The following WDR70 variants were observed in gnomAD, a reference collection of about 807,000 sequenced individuals.
The protein encoded by WDR70 is WD repeat-containing protein 70.
In WDR70, 53 loss-of-function variants were observed where a neutral mutation model predicts 88.6. That is an observed-to-expected ratio of 0.60 (90% CI 0.48 to 0.75). The LOEUF (loss-of-function observed/expected upper bound fraction) is 0.75, where lower values mean the gene tolerates loss of function less well. WDR70 is among the 30% of genes least tolerant of loss of function. WDR70 has a pLI of 0.00. For missense variants in WDR70, 610 were observed against 823.2 expected (o/e 0.74, Z 3.17); for synonymous variants, 280 against 270.0 (o/e 1.04, Z -0.36).
chr5:37,516,575 C>T lies in WDR70; in HGVS notation c.902C>T (p.Thr301Ile). The change falls in exon 9 of 18, where the codon ACT becomes ATT. Residue 301 changes from threonine (T) to isoleucine (I), a missense_variant. By Grantham distance (89) the Thr-to-Ile change is moderately conservative. Coordinates refer to ENST00000265107, the MANE Select transcript of WDR70 (RefSeq NM_018034.4). ...WHPKIKGEFM[T>I]CSNDATVRTW... ...CCCAAAATAAAGGGAGAATTTATGA[C>T]TTGCTCAAATGATGCGTGAGTATTG... 1.2e-6 allele frequency: 2 copies of T among 1,606,522 alleles called. No individual in the cohort carries two copies. The highest frequency in any genetic ancestry group is 1.7e-6 in the Non-Finnish European group (2 of 1,174,532).
chr5:37,420,278 C>T (rs1323391803), intron 5 of WDR70, among the ~76,000 whole-genome samples: 2 of 152,126 alleles, frequency 1.3e-5, no homozygotes, highest in East Asian at 3.8e-4. Flanking sequence ...TATGACTCCT[C>T]TAAATATTAA....
At chr5:37,718,936 G>A (rs921879015) in intron 13 of WDR70, among the ~76,000 whole-genome samples, 2 of 152,136 alleles carry the variant, frequency 1.3e-5, no homozygotes, top group African/African-American at 4.8e-5. Context: ...TATATTAAAA[G>A]ATGATACATG....
chr5:37,722,755 A>C, intron 14 of WDR70, 100 bp from the exon 15 acceptor site: 1 of 1,044,162 alleles, frequency 9.6e-7, no homozygotes, highest in African/African-American at 1.6e-5. Flanking sequence ...GATGGAGTGC[A>C]TGCACAGAGT....
intron 7 of WDR70, among the ~76,000 whole-genome samples, chr5:37,459,352 G>A (rs1441497260): frequency 6.6e-6 from 1 of 150,804 alleles, no homozygotes; most frequent in African/African-American, 2.4e-5. Context: ...TCCGCTTGGT[G>A]CAGAGCTGAG....
intron 10 of WDR70, among the ~76,000 whole-genome samples, chr5:37,632,441 G>A (rs1339353223): frequency 6.6e-6 from 1 of 152,166 alleles, no homozygotes; most frequent in East Asian, 1.9e-4. Context: ...TTCCATGTGT[G>A]TTATTACCTC....
chr5:37,465,467 A>C (rs1466497166), intron 7 of WDR70, among the ~76,000 whole-genome samples: 5 of 152,204 alleles, frequency 3.3e-5, no homozygotes, highest in Non-Finnish European at 1.5e-5. Context: ...TTTTAGAAGA[A>C]ATGGGTCAGT....
At position 37,389,164 on chromosome 5, in the gene WDR70, C is replaced by T. The variant is rs1451322266; in HGVS notation, c.176-2836C>T. On this transcript the variant is annotated intron_variant, in intron 3 of 17. Coordinates refer to ENST00000265107, the MANE Select transcript of WDR70 (RefSeq NM_018034.4). ...CTGGAGTGTGGTGGTACTATCTTGG[C>T]TTACTGCAACCTCCGCCTTCCGGGT... is the stretch of plus-strand genomic sequence containing the variant. Among the ~76,000 whole-genome samples, 4 of 148,968 alleles carry T rather than the reference C, an allele frequency of 2.7e-5. No individual in the cohort carries two copies. The East Asian group carries it at 7.9e-4, about 29-fold the overall frequency.
At chr5:37,687,962 C>A (rs754279449) in intron 10 of WDR70, 1 of 691,152 alleles carries the variant, frequency 1.4e-6, no homozygotes, top group Non-Finnish European at 2.6e-6. Context: ...TGGGCTCACA[C>A]TGAAGTTTGT....
chr5:37,522,732 C>T (rs903170776), intron 9 of WDR70, among the ~76,000 whole-genome samples: 6 of 152,170 alleles, frequency 3.9e-5, no homozygotes, highest in African/African-American at 7.2e-5. Flanking sequence ...CTTTCCTATC[C>T]AAGGGAAGCT....
chr5:37,666,883 G>A (rs1474939388), intron 10 of WDR70, among the ~76,000 whole-genome samples: 1 of 152,196 alleles, frequency 6.6e-6, no homozygotes, highest in Non-Finnish European at 1.5e-5. Flanking sequence ...TCCCTGGAAA[G>A]TGGGGATAAT....
intron 5 of WDR70, among the ~76,000 whole-genome samples, chr5:37,417,567 A>G (rs888455705): frequency 6.9e-6 from 1 of 145,750 alleles, no homozygotes; most frequent in African/African-American, 2.5e-5. Flanking sequence ...GAGACAGCGT[A>G]TTGCTCTGTT....
chr5:37,576,606 C>A lies in WDR70; in HGVS notation c.918-28458C>A, dbSNP rs758420497. ...TTTTTAATTTTTAATTAATTGATAG[C>A]GCTTCCTTCCAGTCCTATCTATCAA... On this transcript the variant is annotated intron_variant, in intron 9 of 17. Coordinates refer to ENST00000265107, the MANE Select transcript of WDR70 (RefSeq NM_018034.4). 5.9e-5 allele frequency among the ~76,000 whole-genome samples: 9 copies of A among 152,072 alleles called. No individual in the cohort carries two copies. The East Asian group carries it at 1.2e-3, about 20-fold the overall frequency.
chr5:37,590,624 A>G (rs1254187435), intron 9 of WDR70, among the ~76,000 whole-genome samples: 1 of 152,196 alleles, frequency 6.6e-6, no homozygotes, highest in Non-Finnish European at 1.5e-5. Flanking sequence ...AAGGACAGAA[A>G]ATGAGAAGAC....
chr5:37,674,502 G>T (rs1259358317), intron 10 of WDR70, among the ~76,000 whole-genome samples: 1 of 151,958 alleles, frequency 6.6e-6, no homozygotes, highest in Non-Finnish European at 1.5e-5. Flanking sequence ...TTGTCCTTGT[G>T]ATAGTTTACT....
chr5:37,673,093 G>A (rs1400149659), intron 10 of WDR70, among the ~76,000 whole-genome samples: 3 of 151,918 alleles, frequency 2.0e-5, no homozygotes, highest in African/African-American at 7.2e-5. Flanking sequence ...TGTTGTTCCC[G>A]TCTGCGTGTC....
intron 8 of WDR70, among the ~76,000 whole-genome samples, chr5:37,483,156 AT>A (rs923882338): frequency 9.7e-6 from 1 of 102,718 alleles, no homozygotes; most frequent in Admixed American, 1.2e-4. Context: ...GCAGAGGGGG[AT>A]TTGGCAGGGT....
intron 4 of WDR70, among the ~76,000 whole-genome samples, chr5:37,395,275 A>G (rs1167315416): frequency 2.6e-5 from 4 of 152,108 alleles, no homozygotes; most frequent in African/African-American, 4.8e-5. Flanking sequence ...GGTGTGGTGG[A>G]TAGGAAACCA....
At chr5:37,379,635 G>C (rs1249850371) in intron 2 of WDR70, 81 bp downstream of exon 2, 2 of 1,468,330 alleles carry the variant, frequency 1.4e-6, no homozygotes, top group South Asian at 1.1e-5. Context: ...AGATCGAGCT[G>C]TCAACTCGGA....
intron 4 of WDR70, among the ~76,000 whole-genome samples, chr5:37,393,739 G>A (rs1748919709): frequency 6.6e-6 from 1 of 151,990 alleles, no homozygotes; most frequent in African/African-American, 2.4e-5. Context: ...GGAGTGCAGT[G>A]GCACATTCTT....
Sources: allele counts gnomAD v4.1 joint callset (sites outside exome capture counted in the v4.1 genomes callset), GRCh38; gene constraint gnomAD v4.1.1; transcripts MANE v1.5; gene names NCBI Gene and HGNC (gene_info 2026-07-23, HGNC 2026-07-21).